Variants in NGLY1 observed in about 807,000 individuals in gnomAD.
NGLY1 encodes N-glycanase 1, also known as peptide-N(4)-(N-acetyl-beta-glucosaminyl)asparagine amidase.
A neutral mutation model predicts 84.6 loss-of-function variants in NGLY1; 68 were observed. The ratio of observed to expected loss-of-function variants is 0.80; its 90% confidence interval spans 0.66 to 0.98. NGLY1 has a LOEUF of 0.98. NGLY1 is among the 50% of genes least tolerant of loss of function. The pLI is 0.00. For synonymous variants in NGLY1, 280 were observed against 275.2 expected, an observed-to-expected ratio of 1.02 and a Z score of -0.17; for missense variants, 779 against 770.2, an observed-to-expected ratio of 1.01 and a Z score of -0.14.
At chr3:25,784,132 CA>C (rs1708551465), upstream of NGLY1, 1 of 152,192 alleles carries the variant, frequency 6.6e-6, no homozygotes, top group African/African-American at 2.4e-5. Flanking sequence ...ACGTCAAAAA[CA>C]AAACCATGGC....
At position 25,749,712 on chromosome 3, in the gene NGLY1, A is replaced by C. The variant is rs191124273; in HGVS notation, c.658+1386T>G. The C allele has an allele frequency of 3.1e-4, 487 of 1,583,054 alleles. 1 individual carries two copies. In the African/African-American group the frequency reaches 5.7e-3, roughly 18 times the overall value. ...AAGCACATGCTGCCCAGTGGCTTCC[A>C]GAAGTTCCTGGTCCACAACGTCAAG... On this transcript the variant is annotated intron_variant, in intron 4 of 11. Coordinates refer to ENST00000280700, the MANE Select transcript of NGLY1 (RefSeq NM_018297.4).
chr3:25,734,077 T>G (rs1705694005), intron 7 of NGLY1, 95 bp from the exon 8 acceptor site: 1 of 1,510,974 alleles, frequency 6.6e-7, no homozygotes, highest in East Asian at 2.4e-5. Flanking sequence ...TTTAAATGCA[T>G]TTTTTTGGAG....
At chr3:25,756,203 A>G (rs2125527101) in intron 3 of NGLY1, among the ~76,000 whole-genome samples, 1 of 151,574 alleles carries the variant, frequency 6.6e-6, no homozygotes, top group Non-Finnish European at 1.5e-5. Context: ...CCCCAACTGA[A>G]CTCCCTTTCT....
chr3:25,777,784 G>A (rs13093058), intron 2 of NGLY1: 14,941 of 152,198 alleles, frequency 0.098, 1,736 homozygotes, highest in African/African-American at 0.28. Flanking sequence ...TCTATGTGAG[G>A]TGGGATTATA....
intron 2 of NGLY1, among the ~76,000 whole-genome samples, chr3:25,775,058 C>G (rs1281953991): frequency 6.6e-6 from 1 of 152,226 alleles, no homozygotes; most frequent in African/African-American, 2.4e-5. Context: ...CTCCCGTGAT[C>G]TGGATTTTCA....
chr3:25,750,437 T>C (rs1056367787), intron 4 of NGLY1, among the ~76,000 whole-genome samples: 3 of 152,136 alleles, frequency 2.0e-5, no homozygotes, highest in Admixed American at 6.6e-5. Flanking sequence ...TTATATAAGA[T>C]AGAATAGTCA....
chr3:25,745,290 C>T (rs1575628240), intron 4 of NGLY1, among the ~76,000 whole-genome samples: 1 of 152,200 alleles, frequency 6.6e-6, no homozygotes. Context: ...CCATATGTGG[C>T]TAGTGCTACA....
upstream of NGLY1, among the ~76,000 whole-genome samples, chr3:25,785,135 C>CAAAAAAAAAAAAAAAA (rs1159268520): frequency 5.2e-5 from 4 of 76,984 alleles, 1 homozygote; most frequent in Non-Finnish European, 7.9e-5. Context: ...CCTGCTTGGA[C>CAAAAAAAAAAAAAAAA]AAAAAAAAAA....
At chr3:25,750,615 G>C (rs746264054) in intron 4 of NGLY1, among the ~76,000 whole-genome samples, 3 of 151,864 alleles carry the variant, frequency 2.0e-5, no homozygotes, top group Non-Finnish European at 4.4e-5. Context: ...TTAAAAATGG[G>C]TAAGATGGTA....
intron 10 of NGLY1, among the ~76,000 whole-genome samples, chr3:25,728,394 T>C (rs1014280415): frequency 6.6e-6 from 1 of 152,156 alleles, no homozygotes; most frequent in Non-Finnish European, 1.5e-5. Flanking sequence ...AAATTAACTT[T>C]AAAAGCTTCC....
At chr3:25,788,192 T>G (rs1708645257), upstream of NGLY1, among the ~76,000 whole-genome samples, 1 of 152,210 alleles carries the variant, frequency 6.6e-6, no homozygotes, top group Non-Finnish European at 1.5e-5. Context: ...TGAGTGGTTG[T>G]TGAAAATAGC....
intron 10 of NGLY1, among the ~76,000 whole-genome samples, chr3:25,723,099 G>C (rs983429581): frequency 6.6e-6 from 1 of 152,134 alleles, no homozygotes; most frequent in Non-Finnish European, 1.5e-5. Flanking sequence ...TATAAAATAT[G>C]ATAGGCTGAA....
chr3:25,785,709 A>G (rs1191223786), upstream of NGLY1, among the ~76,000 whole-genome samples: 6 of 152,254 alleles, frequency 3.9e-5, no homozygotes, highest in Admixed American at 3.9e-4. Context: ...AAGATTGTCT[A>G]TATACAAAAC....
chr3:25,773,855 T>G (rs1345410712), intron 2 of NGLY1, among the ~76,000 whole-genome samples: 3 of 152,210 alleles, frequency 2.0e-5, no homozygotes, highest in African/African-American at 7.2e-5. Context: ...TGGGGCTTCC[T>G]GAGAGCTGGA....
At chr3:25,754,403 G>C (rs1706923430) in intron 3 of NGLY1, among the ~76,000 whole-genome samples, 2 of 152,128 alleles carry the variant, frequency 1.3e-5, no homozygotes, top group Non-Finnish European at 2.9e-5. Flanking sequence ...ATATTTTGAA[G>C]GATCAGAGAG....
chr3:25,782,140 A>G lies in NGLY1; in HGVS notation c.131+1120T>C, dbSNP rs190027212. Among the ~76,000 whole-genome samples the G allele has an allele frequency of 4.6e-5, 7 of 152,234 alleles. No individual in the cohort carries two copies. In the East Asian group the frequency reaches 1.4e-3, roughly 30 times the overall value. ...CTGCCACAAAATAAGGGCTCAATAT[A>G]TTTTCCCTTCAATTTACTTTAAAAA... On this transcript the variant is annotated intron_variant, in intron 1 of 11. Transcript: ENST00000280700.
At chr3:25,741,088 A>G (rs1706112706) in intron 4 of NGLY1, among the ~76,000 whole-genome samples, 1 of 150,286 alleles carries the variant, frequency 6.7e-6, no homozygotes, top group Non-Finnish European at 1.5e-5. Context: ...AGATCATGCC[A>G]TTGCACTCCA....
At chr3:25,764,997 T>C (rs1195126067) in intron 2 of NGLY1, among the ~76,000 whole-genome samples, 6 of 152,098 alleles carry the variant, frequency 3.9e-5, no homozygotes, top group African/African-American at 1.4e-4. Context: ...CCTATAAATA[T>C]GCTAAGAATG....
chr3:25,736,450 G>A (rs1705831060), intron 6 of NGLY1: 4 of 1,441,772 alleles, frequency 2.8e-6, no homozygotes, highest in Non-Finnish European at 3.8e-6. Context: ...ATCATCCTGA[G>A]TTTACTATCA....
Sources: allele counts gnomAD v4.1 joint callset (sites outside exome capture counted in the v4.1 genomes callset), GRCh38; gene constraint gnomAD v4.1.1; transcripts MANE v1.5; gene names NCBI Gene and HGNC (gene_info 2026-07-23, HGNC 2026-07-21).